PARVB: variants seen among roughly 807,000 people sequenced by gnomAD.
The protein encoded by PARVB is beta-parvin.
Under a neutral mutation model 47.0 loss-of-function variants are expected in PARVB, and 46 were observed. The observed-to-expected ratio is 0.98, with a 90% CI of 0.77 to 1.25. PARVB has a LOEUF of 1.25. Ranked by LOEUF, PARVB falls within the 50% of genes most tolerant of loss-of-function variation. The pLI is 0.00. For synonymous variants in PARVB, 196 were observed against 196.3 expected (o/e 1.00, Z 0.01); for missense variants, 473 against 471.6 (o/e 1.00, Z -0.03).
At chr22:44,165,870 C>T in intron 12 of PARVB, among the ~76,000 whole-genome samples, 1 of 152,234 alleles carries the variant, frequency 6.6e-6, no homozygotes, top group South Asian at 2.1e-4. Flanking sequence ...CACACCAGGT[C>T]CCTGCTGATG....
chr22:44,144,495 AATTT>A (rs2053622074), intron 8 of PARVB: 1 of 152,160 alleles, frequency 6.6e-6, no homozygotes, highest in Non-Finnish European at 1.5e-5. Context: ...CAAACTTTCC[AATTT>A]AAGAACTGTT....
intron 1 of PARVB, chr22:44,040,072 G>A: frequency 3.9e-6 from 1 of 255,482 alleles, no homozygotes; most frequent in South Asian, 3.5e-5. Context: ...GGAGGAGCAG[G>A]AGGGATTTTC....
chr22:44,062,618 C>A (rs117842353), intron 1 of PARVB, among the ~76,000 whole-genome samples: 2,724 of 148,508 alleles, frequency 0.018, 32 homozygotes, highest in Non-Finnish European at 0.027. Context: ...GCCTGAGCAA[C>A]AAGAGCAAAA....
At chr22:44,033,045 C>A (rs540686159) in intron 1 of PARVB, among the ~76,000 whole-genome samples, 62 of 152,242 alleles carry the variant, frequency 4.1e-4, no homozygotes, top group African/African-American at 1.4e-3. Context: ...ATGTTGGTAT[C>A]TTAACTCTTC....
rs1192365545 is a variant in PARVB at position 44,012,014 on chromosome 22, C to T, written c.211+12341C>T. 3.3e-5 allele frequency among the ~76,000 whole-genome samples: 5 copies of T among 152,190 alleles called. No homozygotes were observed. In the East Asian group the frequency reaches 9.6e-4, roughly 29 times the overall value. On this transcript the variant is annotated intron_variant, in intron 2 of 13. Transcript: ENST00000406477. The stretch of plus-strand genomic sequence containing the variant: ...TCTAATAGACTTGGCCTTTGTTCTC[C>T]CACCCACCTAAGAGGTCCTGGCATG...
At position 44,147,698 on chromosome 22, in the gene PARVB, A is replaced by T. The variant is rs544646281; in HGVS notation, c.713-163A>T. ...CTTGGTTTGGCCGGGACTGATCATC[A>T]GGGTCAGCCCTTTCATTCTGGTAGG... On this transcript the variant is annotated intron_variant, in intron 8 of 12. Coordinates refer to ENST00000338758, the MANE Select transcript of PARVB (RefSeq NM_013327.5). 95 of 767,528 alleles carry T rather than the reference A, an allele frequency of 1.2e-4. 1 individual carries two copies. In the Admixed American group the frequency reaches 1.3e-3, roughly 11 times the overall value. 47.5% of individuals were successfully genotyped at this position (767,528 alleles called of 1,614,324 possible).
intron 10 of PARVB, 74 bp downstream of exon 10, chr22:44,151,625 C>A: frequency 8.4e-7 from 1 of 1,188,556 alleles, no homozygotes; most frequent in Non-Finnish European, 1.3e-6. Flanking sequence ...CCAGGTGGGG[C>A]GCGTGAACAA....
intron 2 of PARVB, among the ~76,000 whole-genome samples, chr22:44,096,851 G>T (rs1170525978): frequency 1.3e-5 from 2 of 152,154 alleles, no homozygotes; most frequent in Non-Finnish European, 2.9e-5. Context: ...CTGGCACAGA[G>T]ATACCACCCT....
At chr22:44,051,853 C>T (rs957119992) in intron 1 of PARVB, among the ~76,000 whole-genome samples, 5 of 152,034 alleles carry the variant, frequency 3.3e-5, no homozygotes, top group African/African-American at 1.2e-4. Flanking sequence ...GTGACTGGGG[C>T]CTTTATGGGG....
chr22:44,064,533 C>T (rs1240413486), intron 1 of PARVB, among the ~76,000 whole-genome samples: 2 of 152,130 alleles, frequency 1.3e-5, no homozygotes, highest in African/African-American at 2.4e-5. Flanking sequence ...TAGGAGAGGT[C>T]GTTGGCCTTA....
At chr22:44,147,079 C>A in intron 8 of PARVB, 1 of 160,646 alleles carries the variant, frequency 6.2e-6, no homozygotes, top group East Asian at 1.8e-4. Context: ...GGAGCAAAGG[C>A]TCTGAGGCAA....
chr22:44,160,305 A>G (rs1040561353), intron 11 of PARVB, among the ~76,000 whole-genome samples: 29 of 152,244 alleles, frequency 1.9e-4, no homozygotes, highest in African/African-American at 6.0e-4. Context: ...GGATGAGGAC[A>G]GGGAATCTCA....
chr22:44,082,846 A>T (rs964966288), intron 1 of PARVB, among the ~76,000 whole-genome samples: 2 of 152,172 alleles, frequency 1.3e-5, no homozygotes, highest in African/African-American at 4.8e-5. Flanking sequence ...TCTGTTTAAC[A>T]TGGGCTTCGG....
chr22:44,007,491 G>A (rs901368015), intron 2 of PARVB, among the ~76,000 whole-genome samples: 4 of 152,216 alleles, frequency 2.6e-5, no homozygotes, highest in East Asian at 3.9e-4. Context: ...GGAGCCTCTG[G>A]ACTCATTTCT....
chr22:44,090,537 T>C (rs1243074413), intron 1 of PARVB, among the ~76,000 whole-genome samples: 3 of 152,224 alleles, frequency 2.0e-5, no homozygotes, highest in Non-Finnish European at 4.4e-5. Context: ...GCTTCTCTCC[T>C]CCTCCCTCTC....
intron 1 of PARVB, among the ~76,000 whole-genome samples, chr22:44,054,353 T>A (rs2051264464): frequency 6.6e-6 from 1 of 152,216 alleles, no homozygotes; most frequent in African/African-American, 2.4e-5. Context: ...TAGCAGGCAC[T>A]ACAGCCGCGC....
At chr22:44,145,722 T>C (rs967902857) in intron 8 of PARVB, 2 of 152,148 alleles carry the variant, frequency 1.3e-5, no homozygotes, top group Non-Finnish European at 2.9e-5. Context: ...TCCAGGGGCA[T>C]GGCAGCCGGC....
intron 1 of PARVB, among the ~76,000 whole-genome samples, chr22:44,035,767 T>C (rs963819652): frequency 6.6e-6 from 1 of 151,898 alleles, no homozygotes; most frequent in African/African-American, 2.4e-5. Context: ...CTAAACATGA[T>C]GAAAAATACG....
At chr22:44,020,812 A>G (rs1263458938), upstream of PARVB, among the ~76,000 whole-genome samples, 1 of 148,560 alleles carries the variant, frequency 6.7e-6, no homozygotes, top group Non-Finnish European at 1.5e-5. Context: ...ACTGAGTCTC[A>G]CTCTGTCGAC....
Sources: allele counts gnomAD v4.1 joint callset (sites outside exome capture counted in the v4.1 genomes callset), GRCh38; gene constraint gnomAD v4.1.1; transcripts MANE v1.5; gene names NCBI Gene and HGNC (gene_info 2026-07-23, HGNC 2026-07-21).